PRORP: variants seen among roughly 807,000 people sequenced by gnomAD.
The protein encoded by PRORP is protein only RNase P catalytic subunit, also known as mitochondrial ribonuclease P catalytic subunit.
PRORP carries 51 observed loss-of-function variants against 59.4 expected under a neutral mutation model. The observed-to-expected ratio is 0.86, with a 90% CI of 0.69 to 1.08. The LOEUF (loss-of-function observed/expected upper bound fraction) is 1.08, where lower values mean the gene tolerates loss of function less well. PRORP is among the 50% of genes least tolerant of loss of function. The pLI, the probability that PRORP is intolerant of heterozygous loss-of-function variation, is 0.00. For synonymous variants in PRORP, 231 were observed against 245.6 expected (o/e 0.94, Z 0.55); for missense variants, 646 against 690.3 (o/e 0.94, Z 0.72).
chr14:35,224,751 T>C (rs1327422803), intron 5 of PRORP, among the ~76,000 whole-genome samples: 1 of 152,232 alleles, frequency 6.6e-6, no homozygotes, highest in African/African-American at 2.4e-5. Context: ...TAGTTATAAC[T>C]TGGCCAAAAG....
intron 5 of PRORP, among the ~76,000 whole-genome samples, chr14:35,253,434 AAC>A (rs772064348): frequency 1.3e-4 from 19 of 148,662 alleles, no homozygotes; most frequent in African/African-American, 2.6e-4. Flanking sequence ...AGAAAAAAGA[AAC>A]ACACACACAC....
rs927856782 is a variant in PRORP at position 35,270,554 on chromosome 14, G to A, written c.1578G>A (p.Leu526=). The A allele has an allele frequency of 1.9e-6, 3 of 1,614,134 alleles. No homozygotes were observed. Among genetic ancestry groups the A allele is most frequent in the Non-Finnish European group, 2.5e-6 (3 of 1,180,022 alleles). The change falls in exon 7 of 8, where the codon CTG becomes CTA. Residue 526 remains leucine (L), a synonymous_variant. Transcript: ENST00000534898. ...LFFKWQQGHQ[L]AIVNRFPGSK... is the part of the protein sequence containing the mutation. ...TTAAGTGGCAGCAGGGACATCAGCT[G>A]GCAATTGTAAATAGGTTTCCAGGAT...
At chr14:35,221,277 C>G (rs1595336681) in intron 5 of PRORP, among the ~76,000 whole-genome samples, 1 of 152,042 alleles carries the variant, frequency 6.6e-6, no homozygotes, top group East Asian at 1.9e-4. Context: ...TATTTTAATG[C>G]ATTGTTTATT....
chr14:35,131,051 C>T (rs2047226376), intron 4 of PRORP, among the ~76,000 whole-genome samples: 2 of 152,158 alleles, frequency 1.3e-5, no homozygotes, highest in Admixed American at 6.5e-5. Flanking sequence ...TCAAGTGATT[C>T]TCCTGCCTCA....
chr14:35,204,730 A>G (rs2049247842), intron 5 of PRORP, among the ~76,000 whole-genome samples: 1 of 152,230 alleles, frequency 6.6e-6, no homozygotes, highest in South Asian at 2.1e-4. Flanking sequence ...AAGAACTGCA[A>G]GTAACATTTC....
At chr14:35,206,629 A>G (rs1444540553) in intron 5 of PRORP, among the ~76,000 whole-genome samples, 2 of 152,314 alleles carry the variant, frequency 1.3e-5, no homozygotes, top group East Asian at 3.9e-4. Flanking sequence ...CCATAAGTCT[A>G]TAGACTAGCA....
chr14:35,271,841 A>G (rs1429209625), intron 7 of PRORP, among the ~76,000 whole-genome samples: 1 of 152,160 alleles, frequency 6.6e-6, no homozygotes, highest in Admixed American at 6.5e-5. Flanking sequence ...CCTAGCCAAC[A>G]TAGCGAAAAC....
At chr14:35,218,056 G>A (rs923236777) in intron 5 of PRORP, among the ~76,000 whole-genome samples, 6 of 151,978 alleles carry the variant, frequency 3.9e-5, no homozygotes, top group African/African-American at 1.5e-4. Flanking sequence ...ATAAATAATG[G>A]GGCTAACTTT....
chr14:35,185,028 G>A (rs897451526), intron 5 of PRORP, among the ~76,000 whole-genome samples: 1 of 152,024 alleles, frequency 6.6e-6, no homozygotes, highest in African/African-American at 2.4e-5. Flanking sequence ...TACTCATCTG[G>A]GTATATGCTC....
At chr14:35,164,654 T>G (rs1254632950) in intron 4 of PRORP, among the ~76,000 whole-genome samples, 1 of 152,150 alleles carries the variant, frequency 6.6e-6, no homozygotes, top group Non-Finnish European at 1.5e-5. Context: ...GGGTATGGGT[T>G]GAAAAGCTAC....
In PRORP at chr14:35,203,618, A is replaced by G. The variant is rs149076043; in HGVS notation, c.1275+22841A>G. On this transcript the variant is annotated intron_variant, in intron 5 of 7. Transcript: ENST00000534898. ...AGTGGCTCATGCCTGTAATCCCAGCACTTTGGGAGGCCGAGGCGGGCGGAT... is the reference window on the plus strand; with the variant it reads ...AGTGGCTCATGCCTGTAATCCCAGCGCTTTGGGAGGCCGAGGCGGGCGGAT... 1.7e-3 allele frequency among the ~76,000 whole-genome samples: 259 copies of G among 152,348 alleles called. 2 individuals carry two copies. Among genetic ancestry groups the G allele is most frequent in the African/African-American group, 5.9e-3 (247 of 41,594 alleles).
intron 4 of PRORP, among the ~76,000 whole-genome samples, chr14:35,149,794 T>C (rs1417362579): frequency 1.3e-5 from 2 of 152,220 alleles, no homozygotes; most frequent in Non-Finnish European, 2.9e-5. Context: ...AACTTTGCAT[T>C]TGCAAAGTTT....
chr14:35,244,607 G>A (rs1446061920), intron 5 of PRORP, among the ~76,000 whole-genome samples: 1 of 151,898 alleles, frequency 6.6e-6, no homozygotes, highest in Non-Finnish European at 1.5e-5. Flanking sequence ...ATTTTACGTG[G>A]TTCTCTAATA....
At chr14:35,182,275 A>C (rs1470303749) in intron 5 of PRORP, among the ~76,000 whole-genome samples, 1 of 152,074 alleles carries the variant, frequency 6.6e-6, no homozygotes, top group East Asian at 1.9e-4. Flanking sequence ...CAAAAAATAA[A>C]AAGTAAATAA....
rs533782232 is a variant in PRORP at position 35,126,978 on chromosome 14, A to G, written c.1034+196A>G. ...AATGTTTTTCCTGTGAGTACTGTGAACCTATATGAAGTCTTAGAGATGTTT... is the reference window on the plus strand; with the variant it reads ...AATGTTTTTCCTGTGAGTACTGTGAGCCTATATGAAGTCTTAGAGATGTTT... On this transcript the variant is annotated intron_variant, in intron 3 of 7. Transcript: ENST00000534898. Among the ~76,000 whole-genome samples, 6 of 152,344 alleles carry G rather than the reference A, an allele frequency of 3.9e-5. No homozygotes were observed. In the South Asian group the frequency reaches 1.2e-3, roughly 32 times the overall value.
intron 5 of PRORP, among the ~76,000 whole-genome samples, chr14:35,223,528 C>T (rs2049851252): frequency 7.0e-6 from 1 of 143,792 alleles, no homozygotes; most frequent in African/African-American, 2.6e-5. Flanking sequence ...GGTGTGATCT[C>T]GGCTCACTGC....
At chr14:35,213,254 C>CATAA (rs2049496991) in intron 5 of PRORP, among the ~76,000 whole-genome samples, 1 of 152,086 alleles carries the variant, frequency 6.6e-6, no homozygotes, top group Non-Finnish European at 1.5e-5. Flanking sequence ...TGTTCACTGG[C>CATAA]ATAACACTTT....
In PRORP at chr14:35,194,258, A is replaced by G. The variant is rs112863733; in HGVS notation, c.1275+13481A>G. 5.9e-5 allele frequency among the ~76,000 whole-genome samples: 9 copies of G among 152,278 alleles called. 1 individual carries two copies. The highest frequency in any genetic ancestry group is 1.7e-4 in the African/African-American group (7 of 41,556). The stretch of plus-strand genomic sequence containing the variant: ...TCATGATTTGGCTCTCTGTTTGTCT[A>G]TTATTGGTGTACAAGAATGCAACCC... On this transcript the variant is annotated intron_variant, in intron 5 of 7. Transcript: ENST00000534898.
intron 2 of PRORP, among the ~76,000 whole-genome samples, chr14:35,124,916 A>G (rs989274385): frequency 2.1e-5 from 3 of 144,380 alleles, no homozygotes; most frequent in African/African-American, 7.8e-5. Flanking sequence ...TTGCCAGGCT[A>G]GAGTGCAATG....
Sources: gnomAD v4.1 joint callset for allele counts (sites outside exome capture counted in the v4.1 genomes callset) on GRCh38, gnomAD v4.1.1 for gene constraint, MANE v1.5 for transcripts, NCBI Gene and HGNC (gene_info 2026-07-23, HGNC 2026-07-21) for gene names.